Variants in NUDCD1 observed in about 807,000 individuals in gnomAD.
NUDCD1 encodes NudC domain containing 1.
In NUDCD1, 60 loss-of-function variants were observed where a neutral mutation model predicts 67.8. That is an observed-to-expected ratio of 0.88 (90% CI 0.72 to 1.10). NUDCD1 has a LOEUF of 1.10. Ranked by LOEUF, NUDCD1 falls within the 50% of genes least tolerant of loss-of-function variation. The pLI is 0.00. For missense variants in NUDCD1, 643 were observed against 695.0 expected (o/e 0.93, Z 0.84); for synonymous variants, 244 against 230.8 (o/e 1.06, Z -0.52).
At chr8:109,285,980 A>T (rs1231982465) in intron 5 of NUDCD1, among the ~76,000 whole-genome samples, 2 of 152,266 alleles carry the variant, frequency 1.3e-5, no homozygotes, top group South Asian at 4.1e-4. Flanking sequence ...TATGAAAATC[A>T]GTAGCATTTC....
chr8:109,293,539 TA>T lies in NUDCD1; in HGVS notation c.460-16del. On this transcript the variant is annotated splice_polypyrimidine_tract_variant and intron_variant, in intron 3 of 9. Coordinates refer to ENST00000239690, the MANE Select transcript of NUDCD1 (RefSeq NM_032869.4). Reference sequence around the variant, plus strand: ...TTAAACATAATCTACAAAACAAAATTACACACACAAAAAAGTGTACATAATT... The same window carrying T: ...TTAAACATAATCTACAAAACAAAATTCACACACAAAAAAGTGTACATAATT... 2 of 1,421,912 alleles carry T rather than the reference TA, an allele frequency of 1.4e-6. No homozygotes were observed. The highest frequency in any genetic ancestry group is 1.9e-6 in the Non-Finnish European group (2 of 1,052,974). 88.1% of individuals were successfully genotyped at this position (1,421,912 alleles called of 1,614,324 possible).
At chr8:109,245,651 A>G (rs553378846) in intron 8 of NUDCD1, among the ~76,000 whole-genome samples, 170 bp from the exon 9 acceptor site, 1 of 152,300 alleles carries the variant, frequency 6.6e-6, no homozygotes, top group East Asian at 1.9e-4. Flanking sequence ...TGCTACTGTT[A>G]TGTTCATTTC....
At chr8:109,275,551 C>A in intron 6 of NUDCD1, 55 bp from the exon 7 acceptor site, 1 of 1,442,922 alleles carries the variant, frequency 6.9e-7, no homozygotes, top group South Asian at 1.2e-5. Flanking sequence ...ACAAATTATA[C>A]AATCAGTAGC....
intron 2 of NUDCD1, among the ~76,000 whole-genome samples, chr8:109,312,574 T>A (rs1815284040): frequency 6.6e-6 from 1 of 151,990 alleles, no homozygotes. Context: ...TACCTGCATA[T>A]GTACACGAAG....
At chr8:109,276,906 G>A (rs1256749308) in intron 6 of NUDCD1, among the ~76,000 whole-genome samples, 3 of 152,090 alleles carry the variant, frequency 2.0e-5, no homozygotes, top group Non-Finnish European at 2.9e-5. Flanking sequence ...CAAGTGATCT[G>A]CCTGCCTTGG....
intron 2 of NUDCD1, among the ~76,000 whole-genome samples, chr8:109,302,376 A>T (rs1039557766): frequency 4.0e-4 from 61 of 151,816 alleles, no homozygotes; most frequent in Non-Finnish European, 7.5e-4. Flanking sequence ...CTCATCCCAA[A>T]TCTTTCTTCT....
intron 1 of NUDCD1, among the ~76,000 whole-genome samples, chr8:109,328,380 G>A (rs1342210973): frequency 6.6e-6 from 1 of 152,162 alleles, no homozygotes. Flanking sequence ...TCCTTGAGTT[G>A]AAGAAACTAG....
intron 8 of NUDCD1, among the ~76,000 whole-genome samples, chr8:109,250,685 A>AT (rs542290529): frequency 2.0e-4 from 30 of 151,170 alleles, no homozygotes; most frequent in South Asian, 4.2e-4. Flanking sequence ...AACGAATGGT[A>AT]TTTTTTTTTC....
At chr8:109,282,166 C>T (rs1269230580) in intron 5 of NUDCD1, among the ~76,000 whole-genome samples, 1 of 152,152 alleles carries the variant, frequency 6.6e-6, no homozygotes, top group African/African-American at 2.4e-5. Flanking sequence ...CTCGTCCTGC[C>T]CATCTTGGCC....
At chr8:109,285,800 G>C (rs1359249471) in intron 5 of NUDCD1, among the ~76,000 whole-genome samples, 1 of 152,100 alleles carries the variant, frequency 6.6e-6, no homozygotes, top group Non-Finnish European at 1.5e-5. Flanking sequence ...AGTCCTGGAA[G>C]TACTAACCAG....
At chr8:109,251,883 A>G (rs1420432520) in intron 8 of NUDCD1, among the ~76,000 whole-genome samples, 1 of 152,110 alleles carries the variant, frequency 6.6e-6, no homozygotes, top group Non-Finnish European at 1.5e-5. Flanking sequence ...CTTTTCTAGT[A>G]TAACATGTAA....
At chr8:109,322,919 A>T (rs1302889387) in intron 1 of NUDCD1, among the ~76,000 whole-genome samples, 1 of 152,236 alleles carries the variant, frequency 6.6e-6, no homozygotes, top group African/African-American at 2.4e-5. Context: ...CTCATTATAC[A>T]GTTATATAAA....
At chr8:109,261,143 T>C (rs1813856038) in intron 8 of NUDCD1, among the ~76,000 whole-genome samples, 1 of 152,026 alleles carries the variant, frequency 6.6e-6, no homozygotes, top group Admixed American at 6.5e-5. Flanking sequence ...AGATAACTGA[T>C]TAAATTATAG....
At chr8:109,282,862 G>A (rs559204548) in intron 5 of NUDCD1, among the ~76,000 whole-genome samples, 1 of 149,256 alleles carries the variant, frequency 6.7e-6, no homozygotes, top group African/African-American at 2.5e-5. Context: ...AAAGAAACCA[G>A]TGCAAGAATT....
chr8:109,294,585 CT>C (rs1275185874), intron 3 of NUDCD1, among the ~76,000 whole-genome samples: 3 of 151,914 alleles, frequency 2.0e-5, no homozygotes, highest in Non-Finnish European at 2.9e-5. Flanking sequence ...TTTATTGTTT[CT>C]TTTTTTCTTT....
intron 2 of NUDCD1, chr8:109,313,830 A>G: frequency 9.0e-7 from 1 of 1,109,652 alleles, no homozygotes. Context: ...CTAGAAGTCT[A>G]ATTATCAATC....
chr8:109,286,601 C>G lies in NUDCD1; in HGVS notation c.823+3150G>C, dbSNP rs115270115. On this transcript the variant is annotated intron_variant, in intron 5 of 9. Coordinates refer to ENST00000239690, the MANE Select transcript of NUDCD1 (RefSeq NM_032869.4). Reference sequence around the variant, plus strand: ...TATGCAGAAAAATGAAACTGGTCCCCTACCTCTCACCATATACAAAAATTA... The same window carrying G: ...TATGCAGAAAAATGAAACTGGTCCCGTACCTCTCACCATATACAAAAATTA... 8.6e-3 allele frequency among the ~76,000 whole-genome samples: 1,310 copies of G among 152,170 alleles called. 23 individuals carry two copies. Among genetic ancestry groups the G allele is most frequent in the African/African-American group, 0.029 (1,218 of 41,530 alleles).
At chr8:109,327,529 T>C (rs1440183985) in intron 1 of NUDCD1, among the ~76,000 whole-genome samples, 4 of 152,192 alleles carry the variant, frequency 2.6e-5, no homozygotes, top group African/African-American at 9.6e-5. Context: ...AATAACTTGG[T>C]TAAGTTAGCT....
chr8:109,281,381 G>C (rs1814434652), intron 5 of NUDCD1, among the ~76,000 whole-genome samples: 1 of 152,074 alleles, frequency 6.6e-6, no homozygotes, highest in South Asian at 2.1e-4. Flanking sequence ...AGACTTACCT[G>C]ATGCTTGAGG....
Sources: allele counts gnomAD v4.1 joint callset (sites outside exome capture counted in the v4.1 genomes callset), GRCh38; gene constraint gnomAD v4.1.1; transcripts MANE v1.5; gene names NCBI Gene and HGNC (gene_info 2026-07-23, HGNC 2026-07-21).